Variants in ZMIZ1 observed in about 807,000 individuals in gnomAD.
ZMIZ1 encodes the protein zinc finger MIZ-type containing 1, also known as zinc finger MIZ domain-containing protein 1.
A neutral mutation model predicts 113.9 loss-of-function variants in ZMIZ1; 17 were observed. The observed-to-expected ratio is 0.15, with a 90% CI of 0.10 to 0.22. The LOEUF is 0.22. ZMIZ1 is among the 10% of genes least tolerant of loss of function. The probability of loss-of-function intolerance (pLI) is 1.00; values close to 1 mark genes in which losing one functional copy is unlikely to be tolerated. For synonymous variants in ZMIZ1, 607 were observed against 603.1 expected (o/e 1.01, Z -0.09); for missense variants, 1,059 against 1,477.8 (o/e 0.72, Z 4.65).
chr10:79,290,962 C>T lies in ZMIZ1; in HGVS notation c.544C>T (p.Leu182Phe). 1.2e-6 allele frequency: 2 copies of T among 1,613,308 alleles called. No homozygotes were observed. The highest frequency in any genetic ancestry group is 3.3e-4 in the Middle Eastern group (2 of 6,058). ...ACAACCACTTCTCTGCCCACAGGTCCTTGGGAACCCTATGGCCAATGCCAA... is the reference window on the plus strand; with the variant it reads ...ACAACCACTTCTCTGCCCACAGGTCTTTGGGAACCCTATGGCCAATGCCAA... Reference protein sequence around the residue: ...GVTNTSQSQVLGNPMANANNP... With the variant: ...GVTNTSQSQVFGNPMANANNP... Residue 182 changes from leucine (L) to phenylalanine (F), a missense_variant, in exon 10 of 25, where the codon CTT becomes TTT. Leu to Phe is a conservative substitution (Grantham distance 22). Coordinates refer to ENST00000334512, the MANE Select transcript of ZMIZ1 (RefSeq NM_020338.4).
Position 79,311,104 on chromosome 10 carries a change from C to T in ZMIZ1, c.3016C>T (p.Leu1006=). ...AAPSSHPHSD[L]TFNPSSALEG... ...TCCCAGCAGCCATCCACACAGCGAC[C>T]TGACCTTTAACCCCTCCTCAGCCTT... is the stretch of plus-strand genomic sequence containing the variant. The change falls in exon 24 of 25, where the codon CTG becomes TTG. Residue 1006 remains leucine, a synonymous_variant. Coordinates refer to ENST00000334512, the MANE Select transcript of ZMIZ1 (RefSeq NM_020338.4). 1 of 1,613,808 alleles carries T rather than the reference C, an allele frequency of 6.2e-7. No individual in the cohort carries two copies. The highest frequency in any genetic ancestry group is 1.3e-5 in the African/African-American group (1 of 75,066).
intron 1 of ZMIZ1, among the ~76,000 whole-genome samples, chr10:79,100,387 C>A (rs1843318290): frequency 6.7e-6 from 1 of 148,392 alleles, no homozygotes; most frequent in Non-Finnish European, 1.5e-5. Context: ...GGGAGAATTG[C>A]TAGAGCCCAG....
intron 7 of ZMIZ1, among the ~76,000 whole-genome samples, chr10:79,265,184 G>A (rs1273055854): frequency 6.6e-6 from 1 of 152,146 alleles, no homozygotes. Flanking sequence ...GGGCGTGCGA[G>A]GAGTGTTCCT....
At chr10:79,188,386 TCCCGCC>T (rs1402212929) in intron 4 of ZMIZ1, among the ~76,000 whole-genome samples, 1 of 152,102 alleles carries the variant, frequency 6.6e-6, no homozygotes, top group Admixed American at 6.5e-5. Flanking sequence ...GGGCCGCTCT[TCCCGCC>T]CCCGAGCCAG....
chr10:79,288,920 G>C (rs1417282433), intron 8 of ZMIZ1, among the ~76,000 whole-genome samples: 1 of 152,188 alleles, frequency 6.6e-6, no homozygotes, highest in Admixed American at 6.5e-5. Flanking sequence ...TGCTGGACCT[G>C]GTGAGGGGAG....
chr10:79,209,756 C>T (rs776386800), intron 6 of ZMIZ1, among the ~76,000 whole-genome samples: 15 of 152,258 alleles, frequency 9.9e-5, no homozygotes, highest in Non-Finnish European at 2.1e-4. Context: ...TGAGCTTGGC[C>T]TGCAACCCTC....
intron 1 of ZMIZ1, among the ~76,000 whole-genome samples, chr10:79,078,058 A>G (rs756384651): frequency 6.6e-6 from 1 of 152,216 alleles, no homozygotes; most frequent in Non-Finnish European, 1.5e-5. Flanking sequence ...CATCTCTGAG[A>G]GGCCCCCAGT....
At chr10:79,184,789 C>T (rs954140544) in intron 4 of ZMIZ1, among the ~76,000 whole-genome samples, 38 of 152,310 alleles carry the variant, frequency 2.5e-4, no homozygotes, top group South Asian at 6.2e-4. Flanking sequence ...CTGTGCCAGC[C>T]GCACAAGGGC....
In ZMIZ1 at chr10:79,288,668, G is replaced by A. The variant is rs185968426; in HGVS notation, c.426-1107G>A. ...GGGGTGGTGCCAGAGAGCCAGTGCC[G>A]GCTCTGGTGGGAGAGGCAGCTTCAT... On this transcript the variant is annotated intron_variant, in intron 8 of 24. Coordinates refer to ENST00000334512, the MANE Select transcript of ZMIZ1 (RefSeq NM_020338.4). Among the ~76,000 whole-genome samples the A allele has an allele frequency of 9.0e-4, 137 of 152,274 alleles. 1 individual carries two copies. Among genetic ancestry groups the A allele is most frequent in the African/African-American group, 3.2e-3 (132 of 41,540 alleles).
intron 7 of ZMIZ1, among the ~76,000 whole-genome samples, chr10:79,274,957 G>A (rs1852179340): frequency 6.6e-6 from 1 of 152,244 alleles, no homozygotes; most frequent in African/African-American, 2.4e-5. Flanking sequence ...CGAGGGCTGC[G>A]AGGGGTGGGG....
intron 8 of ZMIZ1, among the ~76,000 whole-genome samples, chr10:79,281,459 G>T (rs925282829): frequency 6.6e-6 from 1 of 152,192 alleles, no homozygotes; most frequent in African/African-American, 2.4e-5. Context: ...AATTCAAGCT[G>T]GCTTTCCCAA....
intron 6 of ZMIZ1, among the ~76,000 whole-genome samples, chr10:79,214,830 T>C (rs1848656382): frequency 6.6e-6 from 1 of 152,192 alleles, no homozygotes; most frequent in Non-Finnish European, 1.5e-5. Flanking sequence ...AAAGCTAATT[T>C]TGCTGCTGTT....
chr10:79,196,149 G>A (rs1210403507), intron 4 of ZMIZ1, among the ~76,000 whole-genome samples: 1 of 152,134 alleles, frequency 6.6e-6, no homozygotes, highest in East Asian at 1.9e-4. Context: ...CTCCATCATT[G>A]ACCTCAACAG....
chr10:79,309,055 G>A (rs1457758003), intron 23 of ZMIZ1, among the ~76,000 whole-genome samples: 5 of 152,136 alleles, frequency 3.3e-5, no homozygotes, highest in Non-Finnish European at 7.3e-5. Flanking sequence ...GGCCGGTGGG[G>A]CAGGGCAGTC....
chr10:79,166,518 G>A (rs1846354914), intron 4 of ZMIZ1, among the ~76,000 whole-genome samples: 1 of 152,208 alleles, frequency 6.6e-6, no homozygotes, highest in African/African-American at 2.4e-5. Flanking sequence ...CAGGCTGCTA[G>A]CCCACCCTGC....
intron 1 of ZMIZ1, among the ~76,000 whole-genome samples, chr10:79,076,046 C>A (rs1220522799): frequency 6.6e-6 from 1 of 152,328 alleles, no homozygotes. Context: ...GCCCCTTCCA[C>A]TGTGAACCTC....
In ZMIZ1 at chr10:79,247,934, C is replaced by A. The variant is rs574777236; in HGVS notation, c.281-29247C>A. ...TGTGACCTTTGGCAAGTCACTTCCC[C>A]TCTGGGGGCCTGAGTGTCTCATCTC... is the stretch of plus-strand genomic sequence containing the variant. On this transcript the variant is annotated intron_variant, in intron 7 of 24. Coordinates refer to ENST00000334512, the MANE Select transcript of ZMIZ1 (RefSeq NM_020338.4). 6.6e-5 allele frequency among the ~76,000 whole-genome samples: 10 copies of A among 152,344 alleles called. No individual in the cohort carries two copies. In the South Asian group the frequency reaches 1.2e-3, roughly 19 times the overall value.
Position 79,314,235 on chromosome 10 carries a change from CG to C in ZMIZ1, c.*1487del, listed in dbSNP as rs753023694. On this transcript the variant is annotated 3_prime_UTR_variant, in exon 25 of 25. Transcript: ENST00000334512. ...CTTTGTTTCAGGCTGGTCTGTGCCC[CG>C]TGAGCCACATGGCCTAGGGTGATGC... The C allele has an allele frequency of 2.2e-6, 1 of 457,048 alleles. No individual in the cohort carries two copies. Among genetic ancestry groups the C allele is most frequent in the South Asian group, 1.5e-5 (1 of 64,568 alleles). 28.3% of individuals were successfully genotyped at this position (457,048 alleles called of 1,614,324 possible).
intron 8 of ZMIZ1, among the ~76,000 whole-genome samples, chr10:79,277,540 G>A (rs1410717476): frequency 6.6e-6 from 1 of 152,238 alleles, no homozygotes; most frequent in African/African-American, 2.4e-5. Context: ...GGTGGAGGCT[G>A]TTTTTCTTCA....
Sources: gnomAD v4.1 joint callset for allele counts (sites outside exome capture counted in the v4.1 genomes callset) on GRCh38, gnomAD v4.1.1 for gene constraint, MANE v1.5 for transcripts, NCBI Gene and HGNC (gene_info 2026-07-23, HGNC 2026-07-21) for gene names.